The following ST6GALNAC5 variants were observed in gnomAD, a reference collection of about 807,000 sequenced individuals.
The protein encoded by ST6GALNAC5 is ST6 N-acetylgalactosaminide alpha-2,6-sialyltransferase 5, also known as alpha-N-acetylgalactosaminide alpha-2,6-sialyltransferase 5.
In ST6GALNAC5, 27 loss-of-function variants were observed where a neutral mutation model predicts 33.6. That is an observed-to-expected ratio of 0.80 (90% CI 0.59 to 1.11). The LOEUF is 1.11. ST6GALNAC5 is among the 50% of genes least tolerant of loss of function. The pLI, the probability that ST6GALNAC5 is intolerant of heterozygous loss-of-function variation, is 0.00. For missense variants in ST6GALNAC5, 428 were observed against 454.0 expected, an observed-to-expected ratio of 0.94 and a Z score of 0.52; for synonymous variants, 194 against 171.2, an observed-to-expected ratio of 1.13 and a Z score of -1.04.
chr1:76,871,990 G>A (rs541334721), intron 2 of ST6GALNAC5, among the ~76,000 whole-genome samples: 2 of 150,250 alleles, frequency 1.3e-5, no homozygotes, highest in African/African-American at 4.9e-5. Flanking sequence ...GATTGCTTAG[G>A]TACAACTGAA....
At chr1:76,949,982 C>T (rs1647680171) in intron 2 of ST6GALNAC5, among the ~76,000 whole-genome samples, 1 of 152,104 alleles carries the variant, frequency 6.6e-6, no homozygotes, top group Non-Finnish European at 1.5e-5. Context: ...GAAGACAGAG[C>T]CCTGCCTGTC....
rs372039479 is a variant in ST6GALNAC5, at chr1:76,978,585, G to A, written c.262-65619G>A. Among the ~76,000 whole-genome samples the A allele has an allele frequency of 1.4e-4, 21 of 152,226 alleles. No homozygotes were observed. The South Asian group carries it at 1.5e-3, about 11-fold the overall frequency. ...TCAATAAAATTCAACGTCCTTTAAC[G>A]ACAAAAACTCTTAACAAATTGCATA... On this transcript the variant is annotated intron_variant, in intron 2 of 4. Transcript: ENST00000477717.
intron 2 of ST6GALNAC5, among the ~76,000 whole-genome samples, chr1:76,873,446 C>T (rs1302591510): frequency 6.6e-6 from 1 of 152,102 alleles, no homozygotes; most frequent in Non-Finnish European, 1.5e-5. Context: ...CCAGTTTAAC[C>T]CCAGGACCTA....
intron 2 of ST6GALNAC5, among the ~76,000 whole-genome samples, chr1:77,035,999 A>G (rs1651631558): frequency 6.6e-6 from 1 of 152,246 alleles, no homozygotes; most frequent in South Asian, 2.1e-4. Flanking sequence ...AAAAATGGAG[A>G]CAAATCCAAT....
chr1:76,983,316 G>A (rs1009218007), intron 2 of ST6GALNAC5, among the ~76,000 whole-genome samples: 1 of 152,082 alleles, frequency 6.6e-6, no homozygotes, highest in African/African-American at 2.4e-5. Flanking sequence ...GATGGAGGAA[G>A]ATCTACCAAG....
At chr1:76,965,893 G>T (rs1036432231) in intron 2 of ST6GALNAC5, among the ~76,000 whole-genome samples, 1 of 152,118 alleles carries the variant, frequency 6.6e-6, no homozygotes, top group Non-Finnish European at 1.5e-5. Flanking sequence ...CTTTTGTCAG[G>T]TTTGTCAAAG....
At chr1:76,888,181 G>GTA (rs1653937811) in intron 2 of ST6GALNAC5, among the ~76,000 whole-genome samples, 1 of 152,082 alleles carries the variant, frequency 6.6e-6, no homozygotes, top group Non-Finnish European at 1.5e-5. Context: ...TGTGTTGGTG[G>GTA]TATGATGTGC....
intron 2 of ST6GALNAC5, among the ~76,000 whole-genome samples, chr1:77,001,555 A>T (rs1035610520): frequency 4.7e-5 from 7 of 150,118 alleles, no homozygotes; most frequent in Admixed American, 6.7e-5. Flanking sequence ...GAGAGAGGGC[A>T]TCCCTGTCTT....
chr1:77,037,096 G>T (rs1651670171), intron 2 of ST6GALNAC5, among the ~76,000 whole-genome samples: 1 of 152,114 alleles, frequency 6.6e-6, no homozygotes, highest in Non-Finnish European at 1.5e-5. Flanking sequence ...GACAGTGTAA[G>T]CAAGGGAGAG....
At chr1:76,947,309 G>A (rs780482849) in intron 2 of ST6GALNAC5, among the ~76,000 whole-genome samples, 6 of 151,920 alleles carry the variant, frequency 3.9e-5, no homozygotes, top group East Asian at 1.9e-4. Flanking sequence ...TAGAAATGAC[G>A]GACTGTTCAG....
At chr1:76,983,476 T>C (rs573855304) in intron 2 of ST6GALNAC5, among the ~76,000 whole-genome samples, 6 of 152,308 alleles carry the variant, frequency 3.9e-5, no homozygotes, top group Middle Eastern at 3.4e-3. Context: ...ATCCTAAATA[T>C]ATACGCACCC....
intron 2 of ST6GALNAC5, among the ~76,000 whole-genome samples, chr1:76,932,973 C>T (rs1163211612): frequency 6.6e-6 from 1 of 152,058 alleles, no homozygotes; most frequent in East Asian, 1.9e-4. Context: ...AGTCACCATC[C>T]CTGTTTTCCC....
At chr1:77,000,978 C>A (rs1557755239) in intron 2 of ST6GALNAC5, among the ~76,000 whole-genome samples, 1 of 151,048 alleles carries the variant, frequency 6.6e-6, no homozygotes, top group Non-Finnish European at 1.5e-5. Context: ...GATGCGGGCT[C>A]TTTTTTGGTT....
At chr1:77,050,450 A>G in intron 4 of ST6GALNAC5, 85 bp downstream of exon 4, 1 of 1,301,530 alleles carries the variant, frequency 7.7e-7, no homozygotes, top group Non-Finnish European at 1.1e-6. Flanking sequence ...ACCATGAAAC[A>G]TGTCTAACTG....
In ST6GALNAC5 at chr1:76,915,662, G is replaced by C. The variant is rs186789701; in HGVS notation, c.261+46920G>C. Among the ~76,000 whole-genome samples the C allele has an allele frequency of 2.9e-3, 422 of 145,316 alleles. 1 individual carries two copies. Among genetic ancestry groups the C allele is most frequent in the African/African-American group, 0.01 (410 of 39,600 alleles). On this transcript the variant is annotated intron_variant, in intron 2 of 4. Transcript: ENST00000477717. ...GAACAATGAGAACACATGGACACAG[G>C]AAGGGGAACATCGCACTCGGGGGAC...
chr1:77,020,301 C>T (rs774680168), intron 2 of ST6GALNAC5, among the ~76,000 whole-genome samples: 17 of 152,146 alleles, frequency 1.1e-4, no homozygotes, highest in Non-Finnish European at 2.1e-4. Context: ...GTTAGGCAGT[C>T]CAAAGTATTT....
At chr1:77,061,554 A>G (rs923880435) in intron 4 of ST6GALNAC5, among the ~76,000 whole-genome samples, 3 of 152,212 alleles carry the variant, frequency 2.0e-5, no homozygotes, top group African/African-American at 7.2e-5. Context: ...GATGATTTGC[A>G]AGATGCTGGG....
At chr1:76,933,782 A>T (rs1454133473) in intron 2 of ST6GALNAC5, among the ~76,000 whole-genome samples, 2 of 151,308 alleles carry the variant, frequency 1.3e-5, no homozygotes, top group African/African-American at 4.8e-5. Flanking sequence ...AAAAAAAAAA[A>T]AAAGCCCAGA....
chr1:77,040,120 A>G (rs913200199), intron 2 of ST6GALNAC5, among the ~76,000 whole-genome samples: 1 of 152,162 alleles, frequency 6.6e-6, no homozygotes, highest in Non-Finnish European at 1.5e-5. Context: ...GGGTCGCACA[A>G]TTTGTACAAT....
Sources: gnomAD v4.1 joint callset for allele counts (sites outside exome capture counted in the v4.1 genomes callset) on GRCh38, gnomAD v4.1.1 for gene constraint, MANE v1.5 for transcripts, NCBI Gene and HGNC (gene_info 2026-07-23, HGNC 2026-07-21) for gene names.